The following ARLN variants were observed in gnomAD, a reference collection of about 807,000 sequenced individuals.
The protein encoded by ARLN is allregulin, also known as sarcoplasmic/endoplasmic reticulum calcium ATPase regulator ARLN.
chr4:119,302,366 G>T, the ARLN span, among the ~76,000 whole-genome samples: 1 of 152,192 alleles, frequency 6.6e-6, no homozygotes, highest in African/African-American at 2.4e-5. Flanking sequence ...TCAGTTGAAA[G>T]ATTCTATTTC....
At chr4:119,302,749 A>G in the ARLN span, among the ~76,000 whole-genome samples, 1 of 152,222 alleles carries the variant, frequency 6.6e-6, no homozygotes, top group South Asian at 2.1e-4. Context: ...CTGTCAGCAC[A>G]ATTAATCTGA....
At chr4:119,297,496 G>A in the ARLN span, 1 of 152,240 alleles carries the variant, frequency 6.6e-6, no homozygotes, top group Non-Finnish European at 1.5e-5. Context: ...ACGTTAGAGT[G>A]CAGTGGCCCC....
chr4:119,304,252 G>T, the ARLN span: 1 of 1,534,208 alleles, frequency 6.5e-7, no homozygotes, highest in South Asian at 1.2e-5. Flanking sequence ...TACCAATTGT[G>T]AAAACTTCAC....
chr4:119,304,150 C>G, the ARLN span: 1 of 807,632 alleles, frequency 1.2e-6, no homozygotes, highest in Non-Finnish European at 1.9e-6. Context: ...CCAAATCCTA[C>G]TCATCCTTCA....
the ARLN span, chr4:119,304,264 T>C: frequency 6.5e-7 from 1 of 1,535,972 alleles, no homozygotes. Flanking sequence ...AAACTTCACA[T>C]TTAACTTGTC....
chr4:119,303,912 CA>C, the ARLN span, among the ~76,000 whole-genome samples: 1 of 152,282 alleles, frequency 6.6e-6, no homozygotes, highest in South Asian at 2.1e-4. Flanking sequence ...GTACTATCAT[CA>C]TAACTAGGTT....
the ARLN span, among the ~76,000 whole-genome samples, chr4:119,302,474 C>T: frequency 6.6e-6 from 1 of 152,210 alleles, no homozygotes; most frequent in East Asian, 1.9e-4. Context: ...CTACTGGCCT[C>T]AAGTGATCCT....
chr4:119,300,497 A>C, the ARLN span: 1 of 1,614,002 alleles, frequency 6.2e-7, no homozygotes, highest in Non-Finnish European at 8.5e-7. Flanking sequence ...GCTCCCGGAG[A>C]CCATCTCGAC....
chr4:119,301,779 TA>T, the ARLN span, among the ~76,000 whole-genome samples: 2 of 152,162 alleles, frequency 1.3e-5, no homozygotes, highest in Non-Finnish European at 1.5e-5. Flanking sequence ...CTAAGGTTAC[TA>T]AAAAAATTAT....
At chr4:119,304,280 C>A in the ARLN span, 1 of 1,536,748 alleles carries the variant, frequency 6.5e-7, no homozygotes, top group African/African-American at 1.4e-5. Context: ...TTGTCTCCAC[C>A]TTCTATGTCA....
chr4:119,300,755 G>C, the ARLN span: 4 of 1,493,206 alleles, frequency 2.7e-6, no homozygotes, highest in Non-Finnish European at 3.6e-6. Flanking sequence ...CGCGGCCTCC[G>C]CCTTGACACT....
the ARLN span, chr4:119,298,748 C>T: frequency 3.9e-6 from 3 of 772,186 alleles, no homozygotes; most frequent in Middle Eastern, 6.8e-4. Flanking sequence ...ACTCAAGAAC[C>T]AACTTCTTAA....
the ARLN span, among the ~76,000 whole-genome samples, chr4:119,299,065 C>T: frequency 1.3e-5 from 2 of 152,092 alleles, no homozygotes; most frequent in East Asian, 3.9e-4. Context: ...TTTTGCCATC[C>T]TCCCATTAAT....
chr4:119,298,859 TA>T, the ARLN span: 1 of 712,858 alleles, frequency 1.4e-6, no homozygotes, highest in Non-Finnish European at 2.6e-6. Context: ...TACATATTGA[TA>T]AAAAGAAAAG....
At chr4:119,300,576 T>A in the ARLN span, 9 of 1,613,844 alleles carry the variant, frequency 5.6e-6, no homozygotes, top group Non-Finnish European at 7.6e-6. Flanking sequence ...AAACCGAAAA[T>A]GCTTAAGTTC....
the ARLN span, chr4:119,297,788 T>G: frequency 6.6e-6 from 1 of 152,616 alleles, no homozygotes; most frequent in Non-Finnish European, 1.5e-5. Context: ...CTACTACAGC[T>G]TAGAGTAGCT....
At chr4:119,304,333 C>T in the ARLN span, 1 of 1,537,054 alleles carries the variant, frequency 6.5e-7, no homozygotes, top group South Asian at 1.2e-5. Flanking sequence ...AAGATCAAGG[C>T]AGTGAATGAA....
At chr4:119,299,813 T>C in the ARLN span, among the ~76,000 whole-genome samples, 2 of 152,178 alleles carry the variant, frequency 1.3e-5, no homozygotes, top group African/African-American at 2.4e-5. Flanking sequence ...TAAATTTGGG[T>C]AAGAAGCTGT....
At chr4:119,298,887 TA>T in the ARLN span, 3 of 647,904 alleles carry the variant, frequency 4.6e-6, no homozygotes, top group South Asian at 5.8e-5. Flanking sequence ...ACATTTCTTG[TA>T]AGGCCTCTAT....
Sources: gnomAD v4.1 joint callset for allele counts (sites outside exome capture counted in the v4.1 genomes callset) on GRCh38, gnomAD v4.1.1 for gene constraint, MANE v1.5 for transcripts, NCBI Gene and HGNC (gene_info 2026-07-23, HGNC 2026-07-21) for gene names.